Variants in FHIT observed in about 807,000 individuals in gnomAD.
FHIT encodes the protein bis(5'-adenosyl)-triphosphatase.
FHIT carries 19 observed loss-of-function variants against 17.9 expected under a neutral mutation model. That is an observed-to-expected ratio of 1.06 (90% confidence interval 0.74 to 1.56). The LOEUF is 1.56. Ranked by LOEUF, FHIT falls within the 40% of genes most tolerant of loss-of-function variation. FHIT has a pLI of 0.00. For synonymous variants in FHIT, 81 were observed against 69.7 expected (o/e 1.16, Z -0.81); for missense variants, 248 against 189.2 (o/e 1.31, Z -1.82).
In FHIT at chr3:61,038,631, A is replaced by G. The variant is rs189367041; in HGVS notation, c.-111+3416T>C. Among the ~76,000 whole-genome samples, 20 of 152,342 alleles carry G rather than the reference A, an allele frequency of 1.3e-4. No homozygotes were observed. In the East Asian group the frequency reaches 3.7e-3, roughly 28 times the overall value. On this transcript the variant is annotated intron_variant, in intron 3 of 9. Coordinates refer to ENST00000492590, the MANE Select transcript of FHIT (RefSeq NM_002012.4). ...AATGGCATTGTGCTTAAGTACAAAA[A>G]TGCCCATATTTGTTACAGCTGCATT...
At chr3:59,766,169 A>G (rs1426678424) in intron 8 of FHIT, among the ~76,000 whole-genome samples, 3 of 152,200 alleles carry the variant, frequency 2.0e-5, no homozygotes, top group African/African-American at 7.2e-5. Context: ...GTTCTGGGCA[A>G]TGGGTTTGCA....
chr3:60,148,704 G>T (rs1296035164), intron 5 of FHIT, among the ~76,000 whole-genome samples: 1 of 152,100 alleles, frequency 6.6e-6, no homozygotes, highest in African/African-American at 2.4e-5. Flanking sequence ...TAAGATAAAA[G>T]AATGTCTCTT....
intron 3 of FHIT, among the ~76,000 whole-genome samples, chr3:60,883,454 G>A (rs1705063443): frequency 6.6e-6 from 1 of 152,080 alleles, no homozygotes; most frequent in African/African-American, 2.4e-5. Flanking sequence ...CACATTATCT[G>A]ACTTTAAAAT....
intron 3 of FHIT, among the ~76,000 whole-genome samples, chr3:60,839,994 G>A (rs1165479879): frequency 6.6e-6 from 1 of 152,028 alleles, no homozygotes; most frequent in Non-Finnish European, 1.5e-5. Context: ...TCTCAGAGGG[G>A]ACTTGATCTT....
At chr3:60,334,089 G>C (rs140610179) in intron 5 of FHIT, among the ~76,000 whole-genome samples, 6 of 152,138 alleles carry the variant, frequency 3.9e-5, no homozygotes, top group African/African-American at 1.4e-4. Flanking sequence ...GGCAATACTT[G>C]TTGTCTCAGT....
chr3:60,515,060 A>ACAAAACAGTGGGCACCGCAAATGAACAGG (rs1464784946), intron 5 of FHIT, among the ~76,000 whole-genome samples: 4 of 152,036 alleles, frequency 2.6e-5, no homozygotes, highest in Admixed American at 6.6e-5. Context: ...AGGCAGGCAG[A>ACAAAACAGTGGGCACCGCAAATGAACAGG]CAAAACAGTG....
intron 3 of FHIT, among the ~76,000 whole-genome samples, chr3:60,883,138 A>G (rs1705050486): frequency 6.6e-6 from 1 of 152,088 alleles, no homozygotes; most frequent in Non-Finnish European, 1.5e-5. Flanking sequence ...AAAATATAAA[A>G]TACCTAGGAA....
At chr3:60,003,391 C>A (rs12107346) in intron 7 of FHIT, among the ~76,000 whole-genome samples, 2 of 152,074 alleles carry the variant, frequency 1.3e-5, no homozygotes, top group African/African-American at 4.8e-5. Flanking sequence ...GGATCTGTTT[C>A]AGCTAAAAGG....
chr3:61,215,281 T>G (rs1455727456), intron 1 of FHIT, among the ~76,000 whole-genome samples: 1 of 151,304 alleles, frequency 6.6e-6, no homozygotes, highest in African/African-American at 2.4e-5. Flanking sequence ...CAGCCCAAAA[T>G]CTCCTTAAGC....
intron 2 of FHIT, among the ~76,000 whole-genome samples, chr3:61,184,245 G>A (rs2038434788): frequency 6.6e-6 from 1 of 152,108 alleles, no homozygotes; most frequent in South Asian, 2.1e-4. Context: ...CATGTTTACA[G>A]TTATTCATTA....
At chr3:60,168,883 T>A (rs1701297704) in intron 5 of FHIT, among the ~76,000 whole-genome samples, 1 of 152,150 alleles carries the variant, frequency 6.6e-6, no homozygotes, top group South Asian at 2.1e-4. Context: ...CCTTTTAAAG[T>A]TCTTGGGTGA....
chr3:61,250,785 C>A (rs950886802), intron 1 of FHIT, among the ~76,000 whole-genome samples: 2 of 152,174 alleles, frequency 1.3e-5, no homozygotes, highest in Admixed American at 6.5e-5. Context: ...AAATTCGATG[C>A]CTCTTTGCCT....
chr3:61,203,237 T>C (rs2039089271), intron 1 of FHIT, among the ~76,000 whole-genome samples: 2 of 146,656 alleles, frequency 1.4e-5, no homozygotes, highest in South Asian at 4.3e-4. Context: ...TAATCCCAGC[T>C]ACTCAGGAGG....
chr3:59,973,612 A>G (rs1334326339), intron 7 of FHIT, among the ~76,000 whole-genome samples: 2 of 152,174 alleles, frequency 1.3e-5, no homozygotes, highest in African/African-American at 4.8e-5. Context: ...TGTAATTTTA[A>G]GTTTTTTATT....
At chr3:59,859,377 G>A (rs1702312233) in intron 8 of FHIT, among the ~76,000 whole-genome samples, 1 of 152,196 alleles carries the variant, frequency 6.6e-6, no homozygotes, top group African/African-American at 2.4e-5. Context: ...AGGAAAAAAA[G>A]ACCTATACTC....
At position 60,951,049 on chromosome 3, in the gene FHIT, T is replaced by A. The variant is rs1708865025; in HGVS notation, c.-111+90998A>T. On this transcript the variant is annotated intron_variant, in intron 3 of 9. Coordinates refer to ENST00000492590, the MANE Select transcript of FHIT (RefSeq NM_002012.4). ...AAGACTTGGAGAAAGTCACTATTGG[T>A]TGGATTTTCTTTATTTTGCAGCTGA... is the stretch of plus-strand genomic sequence containing the variant. Among the ~76,000 whole-genome samples, 7 of 152,302 alleles carry A rather than the reference T, an allele frequency of 4.6e-5. No homozygotes were observed. In the South Asian group the frequency reaches 1.4e-3, roughly 32 times the overall value.
At position 60,366,508 on chromosome 3, in the gene FHIT, T is replaced by C. The variant is rs1700113624; in HGVS notation, c.103+170352A>G. 1.3e-5 allele frequency among the ~76,000 whole-genome samples: 2 copies of C among 152,206 alleles called. 1 individual carries two copies. The highest frequency in any genetic ancestry group is 4.1e-4 in the South Asian group (2 of 4,834). On this transcript the variant is annotated intron_variant, in intron 5 of 9. Transcript: ENST00000492590. ...TCCAAAATTCATACTGAAATTTAATTACAGGAGGTGGGACCTCTAACAGTG... is the reference window on the plus strand; with the variant it reads ...TCCAAAATTCATACTGAAATTTAATCACAGGAGGTGGGACCTCTAACAGTG...
At chr3:59,838,788 T>A (rs2106738355) in intron 8 of FHIT, among the ~76,000 whole-genome samples, 1 of 152,238 alleles carries the variant, frequency 6.6e-6, no homozygotes, top group South Asian at 2.1e-4. Flanking sequence ...ACATTCAGAT[T>A]TTTTTCCAGT....
chr3:61,069,783 G>C (rs537913151), intron 2 of FHIT, among the ~76,000 whole-genome samples: 1 of 152,264 alleles, frequency 6.6e-6, no homozygotes, highest in East Asian at 1.9e-4. Flanking sequence ...AAATGATAAA[G>C]AATTATGAAC....
Sources: gnomAD v4.1 joint callset for allele counts (sites outside exome capture counted in the v4.1 genomes callset) on GRCh38, gnomAD v4.1.1 for gene constraint, MANE v1.5 for transcripts, NCBI Gene and HGNC (gene_info 2026-07-23, HGNC 2026-07-21) for gene names.